CNTNAP4: variants seen among roughly 807,000 people sequenced by gnomAD.
The protein encoded by CNTNAP4 is contactin-associated protein-like 4.
Under a neutral mutation model 148.4 loss-of-function variants are expected in CNTNAP4, and 98 were observed. That is an observed-to-expected ratio of 0.66 (90% CI 0.56 to 0.78). CNTNAP4 has a LOEUF of 0.78. Among genes scored for constraint, CNTNAP4 ranks in the 30% least tolerant of loss-of-function variants. The probability of loss-of-function intolerance (pLI) is 0.00; values close to 1 mark genes in which losing one functional copy is unlikely to be tolerated. For synonymous variants in CNTNAP4, 730 were observed against 565.1 expected (o/e 1.29, Z -4.14); for missense variants, 1,935 against 1,565.6 (o/e 1.24, Z -3.98).
intron 2 of CNTNAP4, among the ~76,000 whole-genome samples, chr16:76,342,516 A>G (rs1281274483): frequency 8.4e-6 from 1 of 119,500 alleles, no homozygotes; most frequent in African/African-American, 3.4e-5. Context: ...TCTGTCGCCC[A>G]GGTTGGAGTG....
At chr16:76,314,185 G>A (rs1961451730) in intron 1 of CNTNAP4, among the ~76,000 whole-genome samples, 7 of 152,204 alleles carry the variant, frequency 4.6e-5, no homozygotes, top group Admixed American at 4.6e-4. Flanking sequence ...ATGTGCATGT[G>A]TAATATATTT....
chr16:76,426,486 A>G (rs1399405383), intron 3 of CNTNAP4, among the ~76,000 whole-genome samples: 1 of 152,168 alleles, frequency 6.6e-6, no homozygotes, highest in Non-Finnish European at 1.5e-5. Context: ...GGTGAGAAAT[A>G]AAAATGAAAT....
intron 3 of CNTNAP4, among the ~76,000 whole-genome samples, chr16:76,419,919 C>A (rs1055256865): frequency 6.6e-6 from 1 of 151,994 alleles, no homozygotes; most frequent in African/African-American, 2.4e-5. Context: ...CTCATGAAGG[C>A]CCCACCTCAT....
intron 22 of CNTNAP4, among the ~76,000 whole-genome samples, 165 bp downstream of exon 22, chr16:76,553,666 A>G (rs535925619): frequency 2.0e-5 from 3 of 152,286 alleles, no homozygotes; most frequent in East Asian, 3.9e-4. Context: ...TAGGTGCTCA[A>G]CTTCTTATTT....
chr16:76,356,839 G>C (rs2144511375), intron 3 of CNTNAP4, among the ~76,000 whole-genome samples: 1 of 152,012 alleles, frequency 6.6e-6, no homozygotes, highest in African/African-American at 2.4e-5. Context: ...AATGGACTGT[G>C]ATTTACTCAC....
rs967691255 is a variant in CNTNAP4, at chr16:76,445,952, A to G, written c.539-2060A>G. ...CATTATTTGTATTTGACACAGTTGT[A>G]TTTTTCCCATGCGCATTCATTCAGC... On this transcript the variant is annotated intron_variant, in intron 4 of 23. Transcript: ENST00000611870. Among the ~76,000 whole-genome samples, 4 of 152,152 alleles carry G rather than the reference A, an allele frequency of 2.6e-5. No individual in the cohort carries two copies. In the South Asian group the frequency reaches 6.2e-4, roughly 24 times the overall value.
chr16:76,522,363 A>G lies in CNTNAP4; in HGVS notation c.2755+106A>G, dbSNP rs373361454. On this transcript the variant is annotated intron_variant, in intron 17 of 23. Coordinates refer to ENST00000611870, the MANE Select transcript of CNTNAP4 (RefSeq NM_033401.5). ...GAAACAAGGATAATAACAACAAGCAATAATAACAAATCACCATGGATTCAC... is the reference window on the plus strand; with the variant it reads ...GAAACAAGGATAATAACAACAAGCAGTAATAACAAATCACCATGGATTCAC... 64 of 922,692 alleles carry G rather than the reference A, an allele frequency of 6.9e-5. No individual in the cohort carries two copies. In the African/African-American group the frequency reaches 7.0e-4, roughly 10 times the overall value. 57.2% of individuals were successfully genotyped at this position (922,692 alleles called of 1,614,324 possible). A position where few individuals can be genotyped will look rare whatever the true frequency, so the allele number is the denominator to read the frequency against.
At chr16:76,543,494 A>G (rs953261300) in intron 21 of CNTNAP4, among the ~76,000 whole-genome samples, 6 of 152,194 alleles carry the variant, frequency 3.9e-5, no homozygotes, top group South Asian at 2.1e-4. Flanking sequence ...TAAGGGAACA[A>G]TCATGTAAGA....
At chr16:76,392,941 C>T (rs1050535405) in intron 3 of CNTNAP4, among the ~76,000 whole-genome samples, 13 of 152,166 alleles carry the variant, frequency 8.5e-5, no homozygotes, top group Admixed American at 2.0e-4. Flanking sequence ...CCATGCTTTA[C>T]GCCTTTGCAT....
At chr16:76,457,801 A>ATT (rs5817995) in intron 8 of CNTNAP4, among the ~76,000 whole-genome samples, 3,732 of 151,234 alleles carry the variant, frequency 0.025, 64 homozygotes, top group Middle Eastern at 0.041. Context: ...TTTACTTTTT[A>ATT]TTTTTTTTTA....
Position 76,498,454 on chromosome 16 carries a change from C to G in CNTNAP4, c.2238-113C>G. 3 of 697,794 alleles carry G rather than the reference C, an allele frequency of 4.3e-6. No homozygotes were observed. In the East Asian group the frequency reaches 8.2e-5, roughly 19 times the overall value. The allele number at this position is 697,794 out of a possible 1,614,324, so 43.2% of individuals were successfully genotyped here. A position where few individuals can be genotyped will look rare whatever the true frequency, so the allele number is the denominator to read the frequency against. On this transcript the variant is annotated intron_variant, in intron 14 of 23. Transcript: ENST00000611870. Reference sequence around the variant, plus strand: ...TGTTTTTATGTGCTCCGATGAGTGACTGGATCCATACTCTTTTGTAGGTGC... The same window carrying G: ...TGTTTTTATGTGCTCCGATGAGTGAGTGGATCCATACTCTTTTGTAGGTGC...
chr16:76,448,729 TGGCAATAATGGTGC>T (rs1383418435), intron 5 of CNTNAP4, 24 bp from the exon 6 acceptor site: 2 of 1,442,128 alleles, frequency 1.4e-6, no homozygotes, highest in Non-Finnish European at 1.9e-6. Flanking sequence ...TTCTTTAGAC[TGGCAATAATGGTGC>T]TGTTATTTTT....
At chr16:76,437,803 G>A (rs1434543503) in intron 4 of CNTNAP4, among the ~76,000 whole-genome samples, 2 of 152,080 alleles carry the variant, frequency 1.3e-5, no homozygotes, top group African/African-American at 4.8e-5. Flanking sequence ...ATTAGAAAAT[G>A]TCTATTTGGC....
intron 1 of CNTNAP4, among the ~76,000 whole-genome samples, chr16:76,295,911 G>T (rs1959241531): frequency 6.6e-6 from 1 of 152,098 alleles, no homozygotes; most frequent in Non-Finnish European, 1.5e-5. Context: ...TCTGCCTCCT[G>T]GGTTCCAGCG....
chr16:76,405,335 G>A (rs2078565373), intron 3 of CNTNAP4, among the ~76,000 whole-genome samples: 2 of 152,058 alleles, frequency 1.3e-5, no homozygotes, highest in African/African-American at 4.8e-5. Flanking sequence ...ATAAAACAGG[G>A]AATTGCAACT....
At chr16:76,409,384 G>A (rs903431161) in intron 3 of CNTNAP4, among the ~76,000 whole-genome samples, 19 of 151,842 alleles carry the variant, frequency 1.3e-4, no homozygotes, top group African/African-American at 4.4e-4. Context: ...GTTTTATAAA[G>A]TGACTTCAGA....
At chr16:76,395,354 C>T (rs1259533246) in intron 3 of CNTNAP4, among the ~76,000 whole-genome samples, 1 of 151,920 alleles carries the variant, frequency 6.6e-6, no homozygotes, top group East Asian at 1.9e-4. Context: ...CAACCTCTGC[C>T]TCCAGGGTTC....
chr16:76,402,077 C>T (rs1474304817), intron 3 of CNTNAP4, among the ~76,000 whole-genome samples: 1 of 152,108 alleles, frequency 6.6e-6, no homozygotes, highest in Non-Finnish European at 1.5e-5. Flanking sequence ...GGAGAGAAGT[C>T]CTTCCTCCTC....
chr16:76,543,000 C>A (rs749713345), intron 21 of CNTNAP4, among the ~76,000 whole-genome samples: 1 of 152,172 alleles, frequency 6.6e-6, no homozygotes, highest in Non-Finnish European at 1.5e-5. Flanking sequence ...GAATAACATT[C>A]ACTATATAAG....
Sources: gnomAD v4.1 joint callset for allele counts (sites outside exome capture counted in the v4.1 genomes callset) on GRCh38, gnomAD v4.1.1 for gene constraint, MANE v1.5 for transcripts, NCBI Gene and HGNC (gene_info 2026-07-23, HGNC 2026-07-21) for gene names.